The following TIMP3 variants were observed in gnomAD, a reference collection of about 807,000 sequenced individuals.
TIMP3 encodes the protein TIMP metallopeptidase inhibitor 3, also known as metalloproteinase inhibitor 3.
Under a neutral mutation model 30.0 loss-of-function variants are expected in TIMP3, and 11 were observed. The ratio of observed to expected loss-of-function variants is 0.37; its 90% CI spans 0.23 to 0.61. The LOEUF (loss-of-function observed/expected upper bound fraction) is 0.61. TIMP3 is among the 20% of genes least tolerant of loss of function. The probability of loss-of-function intolerance (pLI) is 0.70; values close to 1 mark genes in which losing one functional copy is unlikely to be tolerated. For synonymous variants in TIMP3, 112 were observed against 111.3 expected (o/e 1.01, Z -0.04); for missense variants, 181 against 276.8 (o/e 0.65, Z 2.45).
intron 1 of TIMP3, chr22:32,833,956 T>C (rs1330456410): frequency 2.1e-6 from 1 of 485,402 alleles, no homozygotes; most frequent in Non-Finnish European, 4.1e-6. Flanking sequence ...TTAGGGAAAG[T>C]GGGGAACTAC....
chr22:32,829,260 T>C (rs1449140142), intron 1 of TIMP3, among the ~76,000 whole-genome samples: 1 of 152,206 alleles, frequency 6.6e-6, no homozygotes, highest in Admixed American at 6.5e-5. Context: ...CCTCCTTTCG[T>C]GATCACGCCT....
At chr22:32,816,292 G>A (rs1601432321) in intron 1 of TIMP3, among the ~76,000 whole-genome samples, 1 of 152,188 alleles carries the variant, frequency 6.6e-6, no homozygotes, top group African/African-American at 2.4e-5. Context: ...CCTGGTAATT[G>A]ATGGGCATTC....
At position 32,849,376 on chromosome 22, in the gene TIMP3, G is replaced by A. The variant is rs556258361; in HGVS notation, c.122-76G>A. The A allele has an allele frequency of 1.6e-4, 209 of 1,299,646 alleles. 5 individuals are homozygous for A. The South Asian group carries it at 2.4e-3, about 15-fold the overall frequency. The allele number at this position is 1,299,646 out of a possible 1,614,324, so 80.5% of individuals were successfully genotyped here. ...AATTCCAGGCTCCACAGAGGCTAGC[G>A]TGCCCGCCCTGAGATGCTGTTCCTG... On this transcript the variant is annotated intron_variant, in intron 1 of 4. Transcript: ENST00000266085.
intron 1 of TIMP3, among the ~76,000 whole-genome samples, chr22:32,829,422 G>T (rs1263565018): frequency 2.6e-5 from 4 of 152,230 alleles, no homozygotes; most frequent in Non-Finnish European, 5.9e-5. Flanking sequence ...AAAGACAGAG[G>T]GGGTGGGGTC....
chr22:32,825,794 G>A (rs1223002671), intron 1 of TIMP3, among the ~76,000 whole-genome samples: 2 of 146,068 alleles, frequency 1.4e-5, no homozygotes, highest in Non-Finnish European at 3.0e-5. Flanking sequence ...TTATCATAGA[G>A]TTGTTTATAA....
At chr22:32,814,838 G>T (rs1247849136) in intron 1 of TIMP3, among the ~76,000 whole-genome samples, 1 of 152,116 alleles carries the variant, frequency 6.6e-6, no homozygotes, top group Non-Finnish European at 1.5e-5. Flanking sequence ...CAGGATTGTG[G>T]CTACACGTGA....
At chr22:32,840,464 G>C (rs993085513) in intron 1 of TIMP3, among the ~76,000 whole-genome samples, 1 of 152,066 alleles carries the variant, frequency 6.6e-6, no homozygotes, top group African/African-American at 2.4e-5. Flanking sequence ...TCTGAAGAGA[G>C]AGAGTTCCTC....
At position 32,859,242 on chromosome 22, in the gene TIMP3, C is replaced by T; in HGVS notation, c.501C>T (p.Asp167=). 1 of 1,614,208 alleles carries T rather than the reference C, an allele frequency of 6.2e-7. No individual in the cohort carries two copies. Residue 167 remains aspartate, a synonymous_variant, in exon 5 of 5, where the codon GAC becomes GAT. Coordinates refer to ENST00000266085, the MANE Select transcript of TIMP3 (RefSeq NM_000362.5). ...CCAAGAACGAGTGTCTCTGGACCGACATGCTCTCCAATTTCGGTTACCCTG... is the reference window on the plus strand; with the variant it reads ...CCAAGAACGAGTGTCTCTGGACCGATATGCTCTCCAATTTCGGTTACCCTG... ...VTSKNECLWT[D]MLSNFGYPGY...
chr22:32,810,763 G>T lies in TIMP3; in HGVS notation c.121+8641G>T, dbSNP rs528443216. Among the ~76,000 whole-genome samples the T allele has an allele frequency of 4.1e-4, 62 of 152,268 alleles. No individual in the cohort carries two copies. The South Asian group carries it at 8.1e-3, about 20-fold the overall frequency. On this transcript the variant is annotated intron_variant, in intron 1 of 4. Coordinates refer to ENST00000266085, the MANE Select transcript of TIMP3 (RefSeq NM_000362.5). ...TGGGGATGGTGAGTTTCGCAACCAG[G>T]GTCAGATTTCATGAAGACTTGGTTT...
At chr22:32,820,290 T>TG (rs1485164263) in intron 1 of TIMP3, among the ~76,000 whole-genome samples, 2 of 144,656 alleles carry the variant, frequency 1.4e-5, no homozygotes, top group Non-Finnish European at 3.1e-5. Context: ...GTGTGTGTGG[T>TG]GTGTGTGGTG....
intron 1 of TIMP3, among the ~76,000 whole-genome samples, chr22:32,840,154 G>A (rs2047851865): frequency 6.6e-6 from 1 of 152,160 alleles, no homozygotes. Flanking sequence ...AACTTGGGTT[G>A]AAATGATTTG....
chr22:32,810,153 A>G (rs936675780), intron 1 of TIMP3, among the ~76,000 whole-genome samples: 2 of 152,190 alleles, frequency 1.3e-5, no homozygotes, highest in Admixed American at 1.3e-4. Flanking sequence ...ACAGGTGTCT[A>G]TGTGGGCTGC....
chr22:32,830,042 C>T (rs890996113), intron 1 of TIMP3, among the ~76,000 whole-genome samples: 1 of 152,342 alleles, frequency 6.6e-6, no homozygotes, highest in African/African-American at 2.4e-5. Flanking sequence ...AACTGAAATG[C>T]TCCAAACAAG....
At chr22:32,814,613 A>T (rs2047039126) in intron 1 of TIMP3, among the ~76,000 whole-genome samples, 1 of 152,238 alleles carries the variant, frequency 6.6e-6, no homozygotes, top group Admixed American at 6.5e-5. Flanking sequence ...TTATTTATTC[A>T]GGGCTCCTTT....
At chr22:32,846,678 C>T (rs1167954307) in intron 1 of TIMP3, among the ~76,000 whole-genome samples, 2 of 152,154 alleles carry the variant, frequency 1.3e-5, no homozygotes, top group Non-Finnish European at 2.9e-5. Context: ...CTCTCAGGCT[C>T]CAGAGACCAG....
intron 1 of TIMP3, among the ~76,000 whole-genome samples, chr22:32,829,633 C>T (rs989123871): frequency 2.6e-4 from 40 of 152,216 alleles, no homozygotes; most frequent in African/African-American, 8.7e-4. Context: ...AGCCTCTTCA[C>T]AGACTGCTGG....
At chr22:32,850,424 T>G (rs1222085196) in intron 2 of TIMP3, among the ~76,000 whole-genome samples, 1 of 152,088 alleles carries the variant, frequency 6.6e-6, no homozygotes. Flanking sequence ...GCGGGTGGTA[T>G]ACAATGGAAG....
intron 4 of TIMP3, among the ~76,000 whole-genome samples, chr22:32,858,532 T>C (rs2048443116): frequency 1.3e-5 from 2 of 152,052 alleles, no homozygotes; most frequent in South Asian, 4.2e-4. Context: ...CCACCCCAGG[T>C]AGGCAAATGG....
intron 2 of TIMP3, among the ~76,000 whole-genome samples, chr22:32,851,313 G>C (rs892668126): frequency 6.6e-6 from 1 of 152,232 alleles, no homozygotes; most frequent in Non-Finnish European, 1.5e-5. Flanking sequence ...GGAGGCAGCA[G>C]TTCCTAAGCC....
Sources: allele counts gnomAD v4.1 joint callset (sites outside exome capture counted in the v4.1 genomes callset), GRCh38; gene constraint gnomAD v4.1.1; transcripts MANE v1.5; gene names NCBI Gene and HGNC (gene_info 2026-07-23, HGNC 2026-07-21).